LMX1A: variants seen among roughly 807,000 people sequenced by gnomAD.
LMX1A encodes LIM homeobox transcription factor 1 alpha.
Under a neutral mutation model 49.1 loss-of-function variants are expected in LMX1A, and 15 were observed. The observed-to-expected ratio is 0.31, with a 90% CI of 0.20 to 0.47. The LOEUF is 0.47. Among genes scored for constraint, LMX1A ranks in the 20% least tolerant of loss-of-function variants. LMX1A has a pLI of 1.00. For missense variants in LMX1A, 372 were observed against 475.8 expected, an observed-to-expected ratio of 0.78 and a Z score of 2.03; for synonymous variants, 167 against 185.7, an observed-to-expected ratio of 0.90 and a Z score of 0.82.
At chr1:165,339,515 T>C (rs773165551) in intron 3 of LMX1A, among the ~76,000 whole-genome samples, 3 of 152,166 alleles carry the variant, frequency 2.0e-5, no homozygotes, top group Non-Finnish European at 4.4e-5. Context: ...AGCTTCGCAT[T>C]GAGATGACTG....
At chr1:165,315,244 C>T (rs75169391) in intron 3 of LMX1A, among the ~76,000 whole-genome samples, 7,407 of 152,272 alleles carry the variant, frequency 0.049, 261 homozygotes, top group South Asian at 0.13. Flanking sequence ...CGAACCACAT[C>T]TACAACTCCC....
intron 3 of LMX1A, among the ~76,000 whole-genome samples, chr1:165,333,631 T>C (rs566052166): frequency 3.4e-4 from 52 of 152,366 alleles, no homozygotes; most frequent in African/African-American, 1.2e-3. Flanking sequence ...AGTTTTTCTC[T>C]AAATGATAAA....
intron 3 of LMX1A, among the ~76,000 whole-genome samples, chr1:165,314,579 C>T (rs567570167): frequency 6.6e-6 from 1 of 152,180 alleles, no homozygotes; most frequent in Non-Finnish European, 1.5e-5. Flanking sequence ...TTTTTCTCTA[C>T]CCTTTCAAAA....
In LMX1A at chr1:165,253,116, C is replaced by G. The variant is rs533678640; in HGVS notation, c.264-3476G>C. ...TATGTGGTAGAAATTGTTGTAGGCA[C>G]AAGAGGATACAAGACAGACAAATCC... On this transcript the variant is annotated intron_variant, in intron 3 of 8. Transcript: ENST00000342310. Among the ~76,000 whole-genome samples, 94 of 152,258 alleles carry G rather than the reference C, an allele frequency of 6.2e-4. 1 individual carries two copies. The highest frequency in any genetic ancestry group is 2.3e-3 in the African/African-American group (94 of 41,542).
chr1:165,242,186 G>A (rs1411156077), intron 4 of LMX1A, among the ~76,000 whole-genome samples: 1 of 152,216 alleles, frequency 6.6e-6, no homozygotes, highest in East Asian at 1.9e-4. Flanking sequence ...GATGAATGCT[G>A]AACACAAGGA....
intron 4 of LMX1A, among the ~76,000 whole-genome samples, chr1:165,222,974 T>C (rs1469388345): frequency 2.6e-5 from 4 of 151,914 alleles, no homozygotes; most frequent in Admixed American, 2.6e-4. Flanking sequence ...TGGGAGGAGG[T>C]TTGGGAGGAA....
intron 3 of LMX1A, among the ~76,000 whole-genome samples, chr1:165,285,901 G>C (rs772526630): frequency 3.9e-5 from 6 of 152,156 alleles, no homozygotes; most frequent in Non-Finnish European, 8.8e-5. Flanking sequence ...ACTGCTCCCT[G>C]GTGTTGATCA....
Position 165,355,647 on chromosome 1 carries a change from C to A in LMX1A, c.-22-66G>T. The A allele has an allele frequency of 8.0e-7, 1 of 1,242,320 alleles. No homozygotes were observed. Among genetic ancestry groups the A allele is most frequent in the Non-Finnish European group, 1.2e-6 (1 of 862,830 alleles). The allele number at this position is 1,242,320 out of a possible 1,614,324, so 77.0% of individuals were successfully genotyped here. On this transcript the variant is annotated intron_variant, in intron 1 of 8. Coordinates refer to ENST00000342310, the MANE Select transcript of LMX1A (RefSeq NM_177398.4). The surrounding 1 kb of genome is among the most constrained non-coding windows in gnomAD (Gnocchi z 4.7). ...GCTGGGACTCGGCGCCAGCAGCCAC[C>A]GCACTCCTGGGAAAGAACTGAGGGA...
intron 3 of LMX1A, among the ~76,000 whole-genome samples, chr1:165,268,919 C>T (rs1428069411): frequency 6.6e-6 from 1 of 152,232 alleles, no homozygotes; most frequent in Non-Finnish European, 1.5e-5. Context: ...TCCTCAAAAG[C>T]AGAGCTATAC....
chr1:165,301,569 C>G (rs931349878), intron 3 of LMX1A, among the ~76,000 whole-genome samples: 1 of 152,186 alleles, frequency 6.6e-6, no homozygotes, highest in Non-Finnish European at 1.5e-5. Context: ...AGACAGGCAG[C>G]TTCCAATCTG....
At chr1:165,273,785 A>G (rs987713552) in intron 3 of LMX1A, among the ~76,000 whole-genome samples, 1 of 152,208 alleles carries the variant, frequency 6.6e-6, no homozygotes, top group African/African-American at 2.4e-5. Flanking sequence ...ACTAAGTGAC[A>G]ATACAAAATT....
At chr1:165,212,677 G>A (rs1041342073) in intron 5 of LMX1A, among the ~76,000 whole-genome samples, 1 of 151,996 alleles carries the variant, frequency 6.6e-6, no homozygotes, top group Non-Finnish European at 1.5e-5. Context: ...TATATGACAG[G>A]CAGTCGATAA....
chr1:165,324,289 G>A (rs1655508099), intron 3 of LMX1A, among the ~76,000 whole-genome samples: 1 of 152,192 alleles, frequency 6.6e-6, no homozygotes, highest in Admixed American at 6.5e-5. Context: ...TCAGGGCTCT[G>A]GTCAAAACCA....
intron 3 of LMX1A, among the ~76,000 whole-genome samples, chr1:165,323,667 T>C (rs1002915314): frequency 3.3e-5 from 5 of 152,210 alleles, no homozygotes; most frequent in African/African-American, 1.2e-4. Flanking sequence ...CAAATTTACC[T>C]ACTCTAGAAA....
At chr1:165,289,756 T>C (rs1654407897) in intron 3 of LMX1A, among the ~76,000 whole-genome samples, 1 of 152,236 alleles carries the variant, frequency 6.6e-6, no homozygotes, top group Admixed American at 6.5e-5. Context: ...ATCTGGGAAA[T>C]GATGGCACCC....
chr1:165,242,549 T>C (rs1369693815), intron 4 of LMX1A, among the ~76,000 whole-genome samples: 1 of 149,548 alleles, frequency 6.7e-6, no homozygotes, highest in East Asian at 2.0e-4. Flanking sequence ...AAAAATGAAA[T>C]TCTGACTCAA....
intron 3 of LMX1A, among the ~76,000 whole-genome samples, chr1:165,264,456 G>C (rs950612956): frequency 6.6e-6 from 1 of 152,090 alleles, no homozygotes; most frequent in Non-Finnish European, 1.5e-5. Flanking sequence ...CCTTAGACTA[G>C]AAATCCACAC....
intron 3 of LMX1A, among the ~76,000 whole-genome samples, chr1:165,315,095 C>T (rs896137110): frequency 2.6e-5 from 4 of 152,168 alleles, no homozygotes; most frequent in African/African-American, 4.8e-5. Flanking sequence ...CAGCAAGGCA[C>T]GTCTTATCAA....
intron 3 of LMX1A, among the ~76,000 whole-genome samples, chr1:165,261,424 T>A (rs926705983): frequency 6.6e-6 from 1 of 152,188 alleles, no homozygotes; most frequent in Non-Finnish European, 1.5e-5. Context: ...TTGGAACTCT[T>A]GTGCATTGTT....
Sources: allele counts gnomAD v4.1 joint callset (sites outside exome capture counted in the v4.1 genomes callset), GRCh38; gene constraint gnomAD v4.1.1; non-coding constraint Gnocchi (gnomAD v3.1); transcripts MANE v1.5; gene names NCBI Gene and HGNC (gene_info 2026-07-23, HGNC 2026-07-21).